The following SYN3 variants were observed in gnomAD, a reference collection of about 807,000 sequenced individuals.
SYN3 encodes synapsin III.
Under a neutral mutation model 65.8 loss-of-function variants are expected in SYN3, and 35 were observed. The observed-to-expected ratio is 0.53, with a 90% CI of 0.41 to 0.70. SYN3 has a LOEUF of 0.70. SYN3 is among the 30% of genes least tolerant of loss of function. The pLI is 0.00. For synonymous variants in SYN3, 270 were observed against 292.9 expected, an observed-to-expected ratio of 0.92 and a Z score of 0.80; for missense variants, 680 against 749.0, an observed-to-expected ratio of 0.91 and a Z score of 1.08.
chr22:32,795,622 G>C (rs564843542), intron 6 of SYN3, among the ~76,000 whole-genome samples: 1 of 152,312 alleles, frequency 6.6e-6, no homozygotes, highest in Non-Finnish European at 1.5e-5. Context: ...GGGTGCGTGG[G>C]GTAGGCCTGG....
intron 7 of SYN3, among the ~76,000 whole-genome samples, chr22:32,583,111 C>T (rs796301100): frequency 3.3e-5 from 5 of 152,298 alleles, no homozygotes; most frequent in African/African-American, 1.2e-4. Flanking sequence ...TCCTATTGAT[C>T]TGGAGGCTTA....
chr22:32,514,420 TCCCATCTC>T (rs2057737276), intron 13 of SYN3: 1 of 152,258 alleles, frequency 6.6e-6, no homozygotes, highest in African/African-American at 2.4e-5. Context: ...GGACTTCAAT[TCCCATCTC>T]TTCTCCAATG....
chr22:32,868,908 G>C (rs954840280), intron 5 of SYN3, 58 bp downstream of exon 5: 45 of 1,550,200 alleles, frequency 2.9e-5, no homozygotes, highest in Non-Finnish European at 3.9e-5. Context: ...TTGTCGCAGA[G>C]TGGGAGGCCA....
intron 10 of SYN3, among the ~76,000 whole-genome samples, chr22:32,532,448 C>T (rs2051572): frequency 0.77 from 115,996 of 150,960 alleles, 40,989 homozygotes; most frequent in East Asian, 0.92. Context: ...ACTTGGGGAA[C>T]TTCAGGTGTG....
chr22:32,535,602 G>A (rs2058150344), intron 9 of SYN3, among the ~76,000 whole-genome samples: 1 of 152,302 alleles, frequency 6.6e-6, no homozygotes, highest in Middle Eastern at 3.4e-3. Context: ...TCATAAATCA[G>A]GTTTCTTCTC....
At chr22:32,686,108 CT>C (rs1192595743) in intron 6 of SYN3, among the ~76,000 whole-genome samples, 3 of 152,116 alleles carry the variant, frequency 2.0e-5, no homozygotes, top group East Asian at 3.9e-4. Flanking sequence ...TTTTCTTGTT[CT>C]TTTTTATTTC....
intron 7 of SYN3, among the ~76,000 whole-genome samples, chr22:32,549,881 T>C (rs1407726294): frequency 1.0e-5 from 1 of 95,430 alleles, no homozygotes; most frequent in African/African-American, 4.9e-5. Context: ...ACAGCGAGAC[T>C]CTGTCTCAAA....
At chr22:32,677,273 C>T (rs1216978278) in intron 6 of SYN3, among the ~76,000 whole-genome samples, 7 of 149,952 alleles carry the variant, frequency 4.7e-5, no homozygotes, top group Non-Finnish European at 1.0e-4. Context: ...AGCAGTGATC[C>T]TCTATCCAGC....
intron 6 of SYN3, among the ~76,000 whole-genome samples, chr22:32,863,957 G>T (rs1416534194): frequency 6.6e-6 from 1 of 152,174 alleles, no homozygotes; most frequent in Non-Finnish European, 1.5e-5. Flanking sequence ...CAACCAGCAT[G>T]TTCTGGATTC....
At chr22:32,857,431 C>T in intron 6 of SYN3, 1 of 1,148,374 alleles carries the variant, frequency 8.7e-7, no homozygotes, top group Non-Finnish European at 1.3e-6. Context: ...CAGAAGAACA[C>T]ATACGGAGTA....
At chr22:33,054,283 T>C (rs1373497760) in intron 1 of SYN3, among the ~76,000 whole-genome samples, 1 of 152,180 alleles carries the variant, frequency 6.6e-6, no homozygotes, top group East Asian at 1.9e-4. Flanking sequence ...GTGGATGTTT[T>C]ACGGGCATCT....
intron 7 of SYN3, among the ~76,000 whole-genome samples, chr22:32,587,393 G>A (rs980343097): frequency 1.3e-5 from 2 of 151,932 alleles, no homozygotes; most frequent in African/African-American, 4.8e-5. Flanking sequence ...CTGGGTCCCA[G>A]AACTCCCTCC....
chr22:32,704,778 C>T (rs2060857822), intron 6 of SYN3, among the ~76,000 whole-genome samples: 1 of 152,184 alleles, frequency 6.6e-6, no homozygotes, highest in African/African-American at 2.4e-5. Context: ...TGGTATCTCA[C>T]TGTAGTCCTG....
chr22:32,876,636 G>A (rs2048991029), intron 4 of SYN3, among the ~76,000 whole-genome samples: 1 of 150,210 alleles, frequency 6.7e-6, no homozygotes, highest in Non-Finnish European at 1.5e-5. Context: ...TTACAATCAG[G>A]AAAAAAACAA....
At chr22:32,755,105 T>C (rs2145679973) in intron 6 of SYN3, among the ~76,000 whole-genome samples, 1 of 152,124 alleles carries the variant, frequency 6.6e-6, no homozygotes, top group Non-Finnish European at 1.5e-5. Context: ...CTGGGGAAGG[T>C]TGGAGGAAGG....
rs748347355 is a variant in SYN3 at position 32,678,930 on chromosome 22, C to T, written c.712-82194G>A. 2.4e-3 allele frequency among the ~76,000 whole-genome samples: 372 copies of T among 152,126 alleles called. 1 individual carries two copies. The highest frequency in any genetic ancestry group is 4.3e-3 in the Non-Finnish European group (291 of 68,008). Reference sequence around the variant, plus strand: ...TCTGTAGCTGACTTATTTCACCTAGCATAATGTCTTCCAGATCCATCCATG... The same window carrying T: ...TCTGTAGCTGACTTATTTCACCTAGTATAATGTCTTCCAGATCCATCCATG... On this transcript the variant is annotated intron_variant, in intron 6 of 13. Transcript: ENST00000358763.
At chr22:32,596,384 A>G (rs895406953) in intron 7 of SYN3, among the ~76,000 whole-genome samples, 1 of 152,236 alleles carries the variant, frequency 6.6e-6, no homozygotes. Flanking sequence ...ATTACGCTCA[A>G]TAAAATGCTC....
At chr22:32,629,989 T>G (rs932663140) in intron 6 of SYN3, 4 of 103,848 alleles carry the variant, frequency 3.9e-5, no homozygotes, top group Non-Finnish European at 5.6e-5. Context: ...AGGTATGTAT[T>G]TTTTTTTTTT....
rs767464548 is a variant in SYN3, at chr22:32,509,475, A to C, written c.*4217T>G. On this transcript the variant is annotated 3_prime_UTR_variant, in exon 14 of 14. Coordinates refer to ENST00000358763, the MANE Select transcript of SYN3 (RefSeq NM_003490.4). ...GTTTGGAAGGAACAGGTACTAGTCT[A>C]TGTGACAGAACAGACTATTTTAGGG... is the stretch of plus-strand genomic sequence containing the variant. 6.6e-6 allele frequency among the ~76,000 whole-genome samples: 1 copy of C among 152,096 alleles called. No individual in the cohort carries two copies. The highest frequency in any genetic ancestry group is 2.4e-5 in the African/African-American group (1 of 41,554).
Sources: gnomAD v4.1 joint callset for allele counts (sites outside exome capture counted in the v4.1 genomes callset) on GRCh38, gnomAD v4.1.1 for gene constraint, MANE v1.5 for transcripts, NCBI Gene and HGNC (gene_info 2026-07-23, HGNC 2026-07-21) for gene names.